The following CTNNA3 variants were observed in gnomAD, a reference collection of about 807,000 sequenced individuals.
CTNNA3 encodes the protein catenin alpha-3.
CTNNA3 carries 76 observed loss-of-function variants against 95.7 expected under a neutral mutation model. That is an observed-to-expected ratio of 0.79 (90% CI 0.66 to 0.96). CTNNA3 has a LOEUF of 0.96. Ranked by LOEUF, CTNNA3 falls within the 40% of genes least tolerant of loss-of-function variation. CTNNA3 has a pLI of 0.00. For missense variants in CTNNA3, 1,191 were observed against 1,089.8 expected, an observed-to-expected ratio of 1.09 and a Z score of -1.31; for synonymous variants, 431 against 374.4, an observed-to-expected ratio of 1.15 and a Z score of -1.74.
At chr10:66,249,506 T>C (rs1564810300) in intron 13 of CTNNA3, among the ~76,000 whole-genome samples, 1 of 152,112 alleles carries the variant, frequency 6.6e-6, no homozygotes, top group Non-Finnish European at 1.5e-5. Context: ...CAAATGTCAA[T>C]GGCAAACAGG....
At chr10:67,621,404 C>G (rs1364632438) in intron 2 of CTNNA3, among the ~76,000 whole-genome samples, 1 of 152,070 alleles carries the variant, frequency 6.6e-6, no homozygotes, top group Admixed American at 6.6e-5. Flanking sequence ...TGAGATAATG[C>G]CCATTTCTTA....
intron 7 of CTNNA3, among the ~76,000 whole-genome samples, chr10:67,174,586 T>C (rs187588291): frequency 6.6e-6 from 1 of 152,186 alleles, no homozygotes; most frequent in Non-Finnish European, 1.5e-5. Context: ...TCCAAAACAA[T>C]TCACATATGC....
Position 67,293,150 on chromosome 10 carries a change from T to A in CTNNA3, c.580-73280A>T, listed in dbSNP as rs79279794. Among the ~76,000 whole-genome samples, 2,820 of 152,300 alleles carry A rather than the reference T, an allele frequency of 0.019. 234 individuals are homozygous for A. In the East Asian group the frequency reaches 0.25, roughly 13 times the overall value. On this transcript the variant is annotated intron_variant, in intron 5 of 17. Coordinates refer to ENST00000433211, the MANE Select transcript of CTNNA3 (RefSeq NM_013266.4). ...AAAAAATTATTCCTGAAAATAAAGTTGCTAAGCTTGATCAAGTAGACTTTC... is the reference window on the plus strand; with the variant it reads ...AAAAAATTATTCCTGAAAATAAAGTAGCTAAGCTTGATCAAGTAGACTTTC...
chr10:66,091,835 GA>G (rs1025607041), intron 14 of CTNNA3, among the ~76,000 whole-genome samples: 4 of 149,296 alleles, frequency 2.7e-5, no homozygotes, highest in East Asian at 2.0e-4. Context: ...ATTCCTTGAG[GA>G]AAAAAAAATG....
chr10:67,638,593 G>T (rs908536993), intron 2 of CTNNA3, among the ~76,000 whole-genome samples: 21 of 152,126 alleles, frequency 1.4e-4, no homozygotes, highest in African/African-American at 3.9e-4. Flanking sequence ...TTACAAAATT[G>T]ACCACATAGT....
chr10:66,542,887 T>TA (rs1360406881), intron 10 of CTNNA3, among the ~76,000 whole-genome samples: 3 of 151,976 alleles, frequency 2.0e-5, no homozygotes, highest in African/African-American at 7.2e-5. Flanking sequence ...TAAAGTATAA[T>TA]AAAAATATAT....
intron 9 of CTNNA3, among the ~76,000 whole-genome samples, chr10:66,639,472 G>T (rs1042491561): frequency 6.6e-6 from 1 of 152,072 alleles, no homozygotes. Flanking sequence ...AATCCAGACA[G>T]AATGAACTTT....
At chr10:66,099,328 C>T (rs1342409325) in intron 14 of CTNNA3, among the ~76,000 whole-genome samples, 1 of 152,108 alleles carries the variant, frequency 6.6e-6, no homozygotes. Flanking sequence ...CCAAAAGTTA[C>T]ACTCAGTGCA....
intron 13 of CTNNA3, among the ~76,000 whole-genome samples, chr10:66,107,874 A>G (rs6480138): frequency 0.4 from 60,532 of 151,886 alleles, 12,438 homozygotes; most frequent in African/African-American, 0.48. Flanking sequence ...GTGGAAAACA[A>G]GAGTCATGCT....
chr10:66,629,915 C>A (rs1329410008), intron 9 of CTNNA3, among the ~76,000 whole-genome samples: 3 of 152,166 alleles, frequency 2.0e-5, no homozygotes, highest in African/African-American at 7.2e-5. Flanking sequence ...AAGTTTTTCA[C>A]CAACACTGTC....
intron 1 of CTNNA3, among the ~76,000 whole-genome samples, chr10:67,688,532 G>T (rs1327353683): frequency 4.6e-5 from 7 of 152,284 alleles, no homozygotes; most frequent in Admixed American, 1.3e-4. Flanking sequence ...CAAGCTGCAG[G>T]ATAGGATTGT....
intron 7 of CTNNA3, among the ~76,000 whole-genome samples, chr10:67,110,499 G>T (rs958952117): frequency 5.3e-5 from 8 of 152,020 alleles, no homozygotes; most frequent in Non-Finnish European, 8.8e-5. Flanking sequence ...TTGGACAATT[G>T]GACAGTTTCC....
chr10:66,472,846 C>T (rs1380446272), intron 11 of CTNNA3, among the ~76,000 whole-genome samples: 1 of 151,854 alleles, frequency 6.6e-6, no homozygotes. Flanking sequence ...GGTAGTAACT[C>T]ATGTAATTTT....
intron 5 of CTNNA3, among the ~76,000 whole-genome samples, chr10:67,444,638 A>G (rs367884847): frequency 1.1e-4 from 16 of 152,214 alleles, no homozygotes; most frequent in African/African-American, 3.6e-4. Flanking sequence ...AACAAAATTG[A>G]CAAACTTTTA....
At chr10:67,511,617 T>C (rs928039196) in intron 5 of CTNNA3, among the ~76,000 whole-genome samples, 5 of 152,224 alleles carry the variant, frequency 3.3e-5, no homozygotes, top group Non-Finnish European at 7.3e-5. Flanking sequence ...TTGAGGATTT[T>C]CTCATCGATG....
At chr10:66,237,975 A>AT (rs556663831) in intron 13 of CTNNA3, among the ~76,000 whole-genome samples, 3 of 151,904 alleles carry the variant, frequency 2.0e-5, no homozygotes, top group South Asian at 2.1e-4. Context: ...TAAATGATAA[A>AT]TTTTTTTTCT....
chr10:66,158,407 G>T (rs962302936), intron 13 of CTNNA3, among the ~76,000 whole-genome samples: 1 of 151,984 alleles, frequency 6.6e-6, no homozygotes, highest in Non-Finnish European at 1.5e-5. Flanking sequence ...GTTGAAAAGG[G>T]TGTCCTTTCC....
intron 9 of CTNNA3, among the ~76,000 whole-genome samples, chr10:66,693,442 A>G (rs1377024901): frequency 6.7e-6 from 1 of 150,374 alleles, no homozygotes; most frequent in Non-Finnish European, 1.5e-5. Flanking sequence ...CCAATACAGG[A>G]GCACCCAGAT....
At chr10:67,014,943 T>C (rs1047355080) in intron 7 of CTNNA3, among the ~76,000 whole-genome samples, 1 of 152,136 alleles carries the variant, frequency 6.6e-6, no homozygotes, top group Non-Finnish European at 1.5e-5. Flanking sequence ...TATTTTCTTT[T>C]CCTTTAATTT....
Sources: gnomAD v4.1 joint callset for allele counts (sites outside exome capture counted in the v4.1 genomes callset) on GRCh38, gnomAD v4.1.1 for gene constraint, MANE v1.5 for transcripts, NCBI Gene and HGNC (gene_info 2026-07-23, HGNC 2026-07-21) for gene names.